The following CYP4A11 variants were observed in gnomAD, a reference collection of about 807,000 sequenced individuals.
CYP4A11 encodes the protein cytochrome P450 family 4 subfamily A member 11.
A neutral mutation model predicts 57.7 loss-of-function variants in CYP4A11; 52 were observed. The observed-to-expected ratio is 0.90, with a 90% CI of 0.72 to 1.14. CYP4A11 has a LOEUF of 1.14. Ranked by LOEUF, CYP4A11 falls within the 50% of genes most tolerant of loss-of-function variation. CYP4A11 has a pLI of 0.00. For synonymous variants in CYP4A11, 228 were observed against 247.1 expected (o/e 0.92, Z 0.72); for missense variants, 641 against 642.1 (o/e 1.00, Z 0.02).
Position 46,934,363 on chromosome 1 carries a change from C to T in CYP4A11, c.901G>A (p.Glu301Lys), listed in dbSNP as rs774270128. 9 of 1,578,604 alleles carry T rather than the reference C, an allele frequency of 5.7e-6. No homozygotes were observed. In the East Asian group the frequency reaches 9.1e-5, roughly 16 times the overall value. The change falls in exon 8 of 12, where the codon GAG becomes AAG. Residue 301 changes from glutamate to lysine, a missense_variant. Coordinates refer to ENST00000310638, the MANE Select transcript of CYP4A11 (RefSeq NM_000778.4). ...FLDILLLAKMENGSILSDKDL... is the reference protein window; with the variant it reads ...FLDILLLAKMKNGSILSDKDL... Reference sequence around the variant, plus strand: ...TTGTCTGACAAGATGCTCCCATTCTCCATCTGGGAAGACCGTGGTGAAAAT... The same window carrying T: ...TTGTCTGACAAGATGCTCCCATTCTTCATCTGGGAAGACCGTGGTGAAAAT...
intron 1 of CYP4A11, among the ~76,000 whole-genome samples, chr1:46,939,970 A>G (rs1420939827): frequency 6.7e-6 from 1 of 149,434 alleles, no homozygotes; most frequent in Non-Finnish European, 1.5e-5. Flanking sequence ...CTGAGAAACA[A>G]TAGGCCTCAG....
chr1:46,934,043 G>A lies in CYP4A11; in HGVS notation c.1125C>T (p.Cys375=). Residue 375 remains cysteine, a synonymous_variant, in exon 9 of 12, where the codon TGC becomes TGT. Transcript: ENST00000310638. ...GGTAGAGCCTCAGTGCCTCCTTAAT[G>A]CACATGGTGGTGTAGGGCATCTGGT... is the stretch of plus-strand genomic sequence containing the variant. ...HLDQMPYTTM[C]IKEALRLYPP... 6.2e-7 allele frequency: 1 copy of A among 1,613,712 alleles called. No individual in the cohort carries two copies. Among genetic ancestry groups the A allele is most frequent in the Non-Finnish European group, 8.5e-7 (1 of 1,179,914 alleles).
At chr1:46,936,388 G>C (rs1475863070) in intron 4 of CYP4A11, among the ~76,000 whole-genome samples, 1 of 152,228 alleles carries the variant, frequency 6.6e-6, no homozygotes, top group African/African-American at 2.4e-5. Context: ...CCAGTCCCTT[G>C]TGCTGAAGGT....
chr1:46,933,035 A>T lies in CYP4A11; in HGVS notation c.1235T>A (p.Leu412His), dbSNP rs758021306. The T allele has an allele frequency of 1.2e-6, 2 of 1,614,058 alleles. No individual in the cohort carries two copies. Among genetic ancestry groups the T allele is most frequent in the African/African-American group, 2.7e-5 (2 of 74,922 alleles). The change falls in exon 10 of 12, where the codon CTC becomes CAC. Residue 412 changes from leucine to histidine, a missense_variant. Coordinates refer to ENST00000310638, the MANE Select transcript of CYP4A11 (RefSeq NM_000778.4). ...GTGGTGAAGGCCATAAATGGAGAGG[A>T]GGACCATGATACCTGTGGTGCAGGT... ...GRSLPKGIMV[L>H]LSIYGLHHNP... is the part of the protein sequence containing the mutation.
intron 1 of CYP4A11, 87 bp from the exon 2 acceptor site, chr1:46,938,224 T>G: frequency 6.4e-7 from 1 of 1,550,524 alleles, no homozygotes. Flanking sequence ...ACAGGAGCCA[T>G]GTAGCGCAGG....
chr1:46,938,246 G>A, intron 1 of CYP4A11, 109 bp from the exon 2 acceptor site: 2 of 1,465,800 alleles, frequency 1.4e-6, no homozygotes, highest in Admixed American at 3.6e-5. Flanking sequence ...TAGGGATTTA[G>A]ATCTGTTTCT....
Position 46,941,421 on chromosome 1 carries a change from C to A in CYP4A11, c.13G>T (p.Val5Leu). The A allele has an allele frequency of 6.2e-7, 1 of 1,614,004 alleles. No individual in the cohort carries two copies. Among genetic ancestry groups the A allele is most frequent in the East Asian group, 2.2e-5 (1 of 44,858 alleles). ...CCCAGGAGTCTGCTGGGGCTCAGCA[C>A]AGAGACACTCATGGTGCAGCACCTG... MSVS[V>L]LSPSRLLGDV... is the part of the protein sequence containing the mutation. Residue 5 changes from valine (V) to leucine (L), a missense_variant, in exon 1 of 12, where the codon GTG becomes TTG. Physicochemically the swap from Val to Leu is conservative, Grantham distance 32. Transcript: ENST00000310638.
rs9333026 is a variant in CYP4A11 at position 46,931,107 on chromosome 1, A to G, written c.1365-797T>C. 5.2e-3 allele frequency among the ~76,000 whole-genome samples: 799 copies of G among 152,218 alleles called. 6 individuals are homozygous for G. Among genetic ancestry groups the G allele is most frequent in the African/African-American group, 0.018 (764 of 41,538 alleles). ...GCCTCAGCTGGCAGATAAGCCCTCC[A>G]TGGGCTCTTGCCTCACCCACATTTT... On this transcript the variant is annotated intron_variant, in intron 11 of 11. Transcript: ENST00000310638.
chr1:46,941,277 A>G lies in CYP4A11; in HGVS notation c.157T>C (p.Cys53Arg). 6.2e-7 allele frequency: 1 copy of G among 1,614,062 alleles called. No individual in the cohort carries two copies. The change falls in exon 1 of 12, where the codon TGC becomes CGC. Residue 53 changes from cysteine (C) to arginine (R), a missense_variant. Cys to Arg is a radical substitution (Grantham distance 180, BLOSUM62 -3). Transcript: ENST00000310638. ...CCGAAGAGCCAGTGGGAGGGAGGGCACGGGAACTGCTGGAGGGCTTTGAGC... is the reference window on the plus strand; with the variant it reads ...CCGAAGAGCCAGTGGGAGGGAGGGCGCGGGAACTGCTGGAGGGCTTTGAGC... ...WLLKALQQFP[C>R]PPSHWLFGHI...
Position 46,941,423 on chromosome 1 carries a change from G to C in CYP4A11, c.11C>G (p.Ser4Cys). Residue 4 changes from serine to cysteine, a missense_variant, in exon 1 of 12, where the codon TCT becomes TGT. Physicochemically the swap from Ser to Cys is moderately radical, Grantham distance 112. Transcript: ENST00000310638. The stretch of plus-strand genomic sequence containing the variant: ...CAGGAGTCTGCTGGGGCTCAGCACA[G>C]AGACACTCATGGTGCAGCACCTGCT... MSV[S>C]VLSPSRLLGD... 1 of 1,614,024 alleles carries C rather than the reference G, an allele frequency of 6.2e-7. No individual in the cohort carries two copies. Among genetic ancestry groups the C allele is most frequent in the Non-Finnish European group, 8.5e-7 (1 of 1,179,944 alleles).
chr1:46,941,220 C>A lies in CYP4A11; in HGVS notation c.195+19G>T. The A allele has an allele frequency of 6.2e-7, 1 of 1,606,926 alleles. No homozygotes were observed. The highest frequency in any genetic ancestry group is 8.5e-7 in the Non-Finnish European group (1 of 1,175,584). On this transcript the variant is annotated intron_variant, in intron 1 of 11. Coordinates refer to ENST00000310638, the MANE Select transcript of CYP4A11 (RefSeq NM_000778.4). The stretch of plus-strand genomic sequence containing the variant: ...CATCCCTCTTTGCCCTCCCACTCCC[C>A]CATTGAGTTCCTCCCTACCTCCTGG...
rs763821466 is a variant in CYP4A11 at position 46,930,280 on chromosome 1, G to C, written c.1395C>G (p.Asn465Lys). 4 of 1,613,560 alleles carry C rather than the reference G, an allele frequency of 2.5e-6. No individual in the cohort carries two copies. The Admixed American group carries it at 6.7e-5, about 27-fold the overall frequency. ...TCAGGGCCGTGGCCACCTTCAGCTC[G>C]TTCATGGCAAATTGTTTCCCGATGC... is the stretch of plus-strand genomic sequence containing the variant. ...RNCIGKQFAMNELKVATALTL... is the reference protein window; with the variant it reads ...RNCIGKQFAMKELKVATALTL... The change falls in exon 12 of 12, where the codon AAC becomes AAG. Residue 465 changes from asparagine (N) to lysine (K), a missense_variant. Physicochemically the swap from Asn to Lys is moderately conservative, Grantham distance 94. Coordinates refer to ENST00000310638, the MANE Select transcript of CYP4A11 (RefSeq NM_000778.4).
At chr1:46,939,417 A>T (rs1681616999) in intron 1 of CYP4A11, among the ~76,000 whole-genome samples, 1 of 152,196 alleles carries the variant, frequency 6.6e-6, no homozygotes, top group African/African-American at 2.4e-5. Flanking sequence ...GTAGGGGATA[A>T]TGGACATGAT....
At chr1:46,937,393 A>C (rs1324526587) in intron 2 of CYP4A11, 47 bp from the exon 3 acceptor site, 2 of 1,590,376 alleles carry the variant, frequency 1.3e-6, no homozygotes, top group Non-Finnish European at 8.6e-7. Flanking sequence ...GTTACTAAGA[A>C]GGCAGTCTTA....
At chr1:46,940,336 T>C (rs999261067) in intron 1 of CYP4A11, among the ~76,000 whole-genome samples, 6 of 152,230 alleles carry the variant, frequency 3.9e-5, no homozygotes, top group East Asian at 3.9e-4. Flanking sequence ...GAATTTGTGT[T>C]GGGCCACATT....
rs1428493048 is a variant in CYP4A11 at position 46,929,312 on chromosome 1, G to C, written c.*803C>G. The C allele has an allele frequency of 6.6e-6, 1 of 152,064 alleles. No homozygotes were observed. Among genetic ancestry groups the C allele is most frequent in the Non-Finnish European group, 1.5e-5 (1 of 68,036 alleles). 9.4% of individuals were successfully genotyped at this position (152,064 alleles called of 1,614,324 possible). A position where few individuals can be genotyped will look rare whatever the true frequency, so the allele number is the denominator to read the frequency against. On this transcript the variant is annotated 3_prime_UTR_variant, in exon 12 of 12. Coordinates refer to ENST00000310638, the MANE Select transcript of CYP4A11 (RefSeq NM_000778.4). ...AGGGCAGGCAGGAGTTTGGGAGGTG[G>C]GTGGAGATTCAGGGATGTTGGGGTG...
Position 46,940,661 on chromosome 1 carries a change from G to A in CYP4A11, c.195+578C>T, listed in dbSNP as rs538241784. The A allele has an allele frequency of 3.5e-5, 34 of 985,208 alleles. 1 individual carries two copies. In the Middle Eastern group the frequency reaches 1.5e-3, roughly 45 times the overall value. 61.0% of individuals were successfully genotyped at this position (985,208 alleles called of 1,614,324 possible). A position where few individuals can be genotyped will look rare whatever the true frequency, so the allele number is the denominator to read the frequency against. On this transcript the variant is annotated intron_variant, in intron 1 of 11. Transcript: ENST00000310638. ...CTAAATCACCTGTTGTGGAAATTCC[G>A]TGAGTCTTGGGGAAACTTACTTAGC...
chr1:46,934,961 G>A (rs757109199), intron 6 of CYP4A11, 39 bp downstream of exon 6: 1 of 1,602,832 alleles, frequency 6.2e-7, no homozygotes, highest in South Asian at 1.1e-5. Context: ...CTTTCGCTGT[G>A]CCTGGGAAAG....
At position 46,931,763 on chromosome 1, in the gene CYP4A11, G is replaced by A. The variant is rs565433785; in HGVS notation, c.1364+998C>T. 2.3e-5 allele frequency: 16 copies of A among 698,822 alleles called. 1 individual carries two copies. The East Asian group carries it at 1.5e-3, about 64-fold the overall frequency. 43.3% of individuals were successfully genotyped at this position (698,822 alleles called of 1,614,324 possible). Reference sequence around the variant, plus strand: ...CCTGTTCTGTGTAAGTGGACTCACCGTTTCAAAAAGTCACATAATTATTTC... The same window carrying A: ...CCTGTTCTGTGTAAGTGGACTCACCATTTCAAAAAGTCACATAATTATTTC... On this transcript the variant is annotated intron_variant, in intron 11 of 11. Coordinates refer to ENST00000310638, the MANE Select transcript of CYP4A11 (RefSeq NM_000778.4).
Sources: allele counts gnomAD v4.1 joint callset (sites outside exome capture counted in the v4.1 genomes callset), GRCh38; gene constraint gnomAD v4.1.1; transcripts MANE v1.5; gene names NCBI Gene and HGNC (gene_info 2026-07-23, HGNC 2026-07-21).